Variants in FAF1 observed in about 807,000 individuals in gnomAD.
FAF1 encodes the protein Fas associated factor 1, also known as FAS-associated factor 1.
Under a neutral mutation model 92.5 loss-of-function variants are expected in FAF1, and 25 were observed. The ratio of observed to expected loss-of-function variants is 0.27; its 90% CI spans 0.20 to 0.38. FAF1 has a LOEUF of 0.38. FAF1 is among the 10% of genes least tolerant of loss of function. The probability of loss-of-function intolerance (pLI) is 1.00; values close to 1 mark genes in which losing one functional copy is unlikely to be tolerated. For synonymous variants in FAF1, 234 were observed against 273.2 expected (o/e 0.86, Z 1.42); for missense variants, 636 against 793.3 (o/e 0.80, Z 2.38).
At chr1:50,778,081 T>A (rs1661029249) in intron 4 of FAF1, among the ~76,000 whole-genome samples, 1 of 152,194 alleles carries the variant, frequency 6.6e-6, no homozygotes, top group African/African-American at 2.4e-5. Flanking sequence ...TATGGTATTT[T>A]CATATAATAG....
At chr1:50,642,272 T>G (rs994966458) in intron 8 of FAF1, among the ~76,000 whole-genome samples, 49 of 151,936 alleles carry the variant, frequency 3.2e-4, no homozygotes, top group Non-Finnish European at 5.9e-4. Flanking sequence ...AAATTTCTTA[T>G]GTTTAGTGTT....
intron 6 of FAF1, among the ~76,000 whole-genome samples, chr1:50,728,790 C>CA (rs547043455): frequency 0.014 from 1,420 of 99,418 alleles, 27 homozygotes; most frequent in African/African-American, 0.043. Context: ...GACTCCGTCT[C>CA]AAAAAAAAAA....
intron 8 of FAF1, among the ~76,000 whole-genome samples, chr1:50,637,712 T>TGTGTGC (rs1303561273): frequency 6.5e-4 from 98 of 150,658 alleles, no homozygotes; most frequent in Middle Eastern, 3.4e-3. Context: ...TGTGTGTGTG[T>TGTGTGC]GCGTGTGCAT....
intron 2 of FAF1, among the ~76,000 whole-genome samples, chr1:50,829,775 A>G (rs1644136094): frequency 6.6e-6 from 1 of 152,216 alleles, no homozygotes; most frequent in South Asian, 2.1e-4. Flanking sequence ...TGAGTTGCCA[A>G]TTATTGACAA....
intron 8 of FAF1, among the ~76,000 whole-genome samples, chr1:50,649,112 G>A (rs1397472576): frequency 6.6e-6 from 1 of 151,282 alleles, no homozygotes; most frequent in Non-Finnish European, 1.5e-5. Context: ...AGAGTGGGGT[G>A]GGGAGAGGGC....
chr1:50,681,357 C>T (rs530807910), intron 7 of FAF1, among the ~76,000 whole-genome samples: 447 of 151,880 alleles, frequency 2.9e-3, no homozygotes, highest in Middle Eastern at 6.8e-3. Flanking sequence ...TAATTAACTT[C>T]TATCACTTAA....
intron 4 of FAF1, among the ~76,000 whole-genome samples, chr1:50,751,934 T>C (rs966953359): frequency 1.3e-5 from 2 of 152,190 alleles, no homozygotes; most frequent in African/African-American, 4.8e-5. Flanking sequence ...AGAAAAGCCA[T>C]CTAGCGTTTC....
At chr1:50,707,218 A>AT (rs1260882899) in intron 6 of FAF1, among the ~76,000 whole-genome samples, 1 of 151,724 alleles carries the variant, frequency 6.6e-6, no homozygotes, top group Non-Finnish European at 1.5e-5. Flanking sequence ...AAAAAAAAAA[A>AT]AAGAATTAGG....
chr1:50,559,777 CA>C (rs1004813411), intron 13 of FAF1, among the ~76,000 whole-genome samples: 46 of 152,200 alleles, frequency 3.0e-4, no homozygotes, highest in African/African-American at 1.1e-3. Context: ...CAAAACAAAC[CA>C]GGGAGAAAAT....
intron 1 of FAF1, among the ~76,000 whole-genome samples, chr1:50,858,529 A>G (rs868514391): frequency 2.0e-5 from 3 of 151,934 alleles, no homozygotes; most frequent in South Asian, 2.1e-4. Flanking sequence ...AAGATGTGCT[A>G]TAAGTACGAA....
At chr1:50,953,041 T>C (rs1159523753) in intron 1 of FAF1, among the ~76,000 whole-genome samples, 3 of 152,250 alleles carry the variant, frequency 2.0e-5, no homozygotes, top group African/African-American at 4.8e-5. Context: ...CATTTTGTTC[T>C]GTACTAAGAA....
At chr1:50,585,636 C>G (rs192578547) in intron 9 of FAF1, among the ~76,000 whole-genome samples, 1 of 152,192 alleles carries the variant, frequency 6.6e-6, no homozygotes, top group East Asian at 1.9e-4. Flanking sequence ...AGCAAGATAT[C>G]TGGCTACATG....
At chr1:50,446,953 C>G (rs1646233728) in intron 18 of FAF1, among the ~76,000 whole-genome samples, 1 of 135,624 alleles carries the variant, frequency 7.4e-6, no homozygotes, top group South Asian at 2.3e-4. Context: ...GAGGCAGAAC[C>G]AGAACCCAGG....
At chr1:50,681,762 ACCTGCCCTGG>A (rs898863833) in intron 7 of FAF1, among the ~76,000 whole-genome samples, 1 of 149,820 alleles carries the variant, frequency 6.7e-6, no homozygotes, top group Non-Finnish European at 1.5e-5. Context: ...CAGGTGATCC[ACCTGCCCTGG>A]CCTCCCAAAG....
intron 1 of FAF1, among the ~76,000 whole-genome samples, chr1:50,957,501 G>A (rs1464350543): frequency 1.3e-5 from 2 of 151,734 alleles, no homozygotes; most frequent in African/African-American, 2.4e-5. Flanking sequence ...ACAGGCGCCC[G>A]CCACCTCGAC....
intron 1 of FAF1, among the ~76,000 whole-genome samples, chr1:50,953,082 T>C (rs1297849359): frequency 6.6e-6 from 1 of 152,230 alleles, no homozygotes; most frequent in African/African-American, 2.4e-5. Context: ...GCTGTTAATC[T>C]ATAACCTTAC....
intron 7 of FAF1, among the ~76,000 whole-genome samples, chr1:50,662,411 G>A (rs1327664773): frequency 6.6e-6 from 1 of 152,108 alleles, no homozygotes; most frequent in Non-Finnish European, 1.5e-5. Flanking sequence ...AAAGAAATTT[G>A]ACAATTGCCT....
At chr1:50,856,996 A>C (rs1644395365) in intron 2 of FAF1, among the ~76,000 whole-genome samples, 1 of 151,846 alleles carries the variant, frequency 6.6e-6, no homozygotes, top group African/African-American at 2.4e-5. Flanking sequence ...AATCTGGAAT[A>C]ATATACCTTA....
At chr1:50,801,576 G>C in intron 3 of FAF1, 55 bp downstream of exon 3, 1 of 951,604 alleles carries the variant, frequency 1.1e-6, no homozygotes, top group Non-Finnish European at 1.7e-6. Flanking sequence ...TTAACAGCTA[G>C]CTCTGTTCTT....
Sources: gnomAD v4.1 joint callset for allele counts (sites outside exome capture counted in the v4.1 genomes callset) on GRCh38, gnomAD v4.1.1 for gene constraint, MANE v1.5 for transcripts, NCBI Gene and HGNC (gene_info 2026-07-23, HGNC 2026-07-21) for gene names.